RAD51B: variants seen among roughly 807,000 people sequenced by gnomAD.
RAD51B encodes RAD51 paralog B, also known as DNA repair protein RAD51 homolog 2.
In RAD51B, 38 loss-of-function variants were observed where a neutral mutation model predicts 42.2. That is an observed-to-expected ratio of 0.90 (90% CI 0.70 to 1.18). The LOEUF (loss-of-function observed/expected upper bound fraction) is 1.18, where lower values mean the gene tolerates loss of function less well. RAD51B is among the 50% of genes most tolerant of loss of function. RAD51B has a pLI of 0.00. For synonymous variants in RAD51B, 154 were observed against 145.2 expected (o/e 1.06, Z -0.43); for missense variants, 373 against 400.7 (o/e 0.93, Z 0.59).
intron 9 of RAD51B, among the ~76,000 whole-genome samples, chr14:68,427,540 A>G (rs897594390): frequency 6.6e-6 from 1 of 152,238 alleles, no homozygotes; most frequent in Non-Finnish European, 1.5e-5. Context: ...ACTTGGGATC[A>G]GTTACTCCTT....
chr14:68,371,744 G>A (rs957385704), intron 8 of RAD51B, among the ~76,000 whole-genome samples: 2 of 152,198 alleles, frequency 1.3e-5, no homozygotes. Context: ...CCAGCTACTT[G>A]GGGGGCTGAG....
At chr14:67,853,085 G>A (rs1368837614) in intron 4 of RAD51B, among the ~76,000 whole-genome samples, 1 of 152,210 alleles carries the variant, frequency 6.6e-6, no homozygotes, top group African/African-American at 2.4e-5. Flanking sequence ...CTTGAAGGTG[G>A]AGGGGCCATG....
intron 10 of RAD51B, among the ~76,000 whole-genome samples, chr14:68,575,306 T>C (rs985761153): frequency 6.6e-6 from 1 of 152,230 alleles, no homozygotes; most frequent in African/African-American, 2.4e-5. Flanking sequence ...AGCTTCTAAA[T>C]GGTAGGGCCA....
chr14:67,968,661 C>A (rs1166831265), intron 7 of RAD51B, among the ~76,000 whole-genome samples: 3 of 152,204 alleles, frequency 2.0e-5, no homozygotes, highest in Admixed American at 2.0e-4. Context: ...ACCACCTCAG[C>A]CTGGACTTTA....
intron 7 of RAD51B, among the ~76,000 whole-genome samples, chr14:67,985,021 A>C (rs1360009245): frequency 1.3e-5 from 2 of 152,210 alleles, no homozygotes; most frequent in Non-Finnish European, 2.9e-5. Flanking sequence ...CTGTTTCCGC[A>C]TTTGTAAAGT....
At chr14:68,084,832 T>C (rs1200029816) in intron 7 of RAD51B, among the ~76,000 whole-genome samples, 1 of 152,184 alleles carries the variant, frequency 6.6e-6, no homozygotes, top group Non-Finnish European at 1.5e-5. Flanking sequence ...CTGCTGTGTG[T>C]GTCTTATGGC....
chr14:68,648,790 T>C (rs1032280747), intron 10 of RAD51B, among the ~76,000 whole-genome samples: 2 of 151,854 alleles, frequency 1.3e-5, no homozygotes, highest in East Asian at 1.9e-4. Context: ...ATTTCCTCAT[T>C]ACTACAATGA....
chr14:68,648,389 C>T (rs910538711), intron 10 of RAD51B, among the ~76,000 whole-genome samples: 2 of 144,056 alleles, frequency 1.4e-5, no homozygotes, highest in East Asian at 2.2e-4. Context: ...TTTTGTATCT[C>T]ATCCTTTAAA....
rs535855004 is a variant in RAD51B at position 68,624,138 on chromosome 14, G to C, written c.1037-26643G>C. Among the ~76,000 whole-genome samples the C allele has an allele frequency of 3.2e-4, 49 of 152,256 alleles. 1 individual carries two copies. The South Asian group carries it at 9.3e-3, about 29-fold the overall frequency. Reference sequence around the variant, plus strand: ...CTCATACTCAGGATGATTAGCTCTTGGTTTCGTCTGAATGGTGGCATAATA... The same window carrying C: ...CTCATACTCAGGATGATTAGCTCTTCGTTTCGTCTGAATGGTGGCATAATA... On this transcript the variant is annotated intron_variant, in intron 10 of 11. Coordinates refer to the RAD51B transcript ENST00000488612.
At chr14:67,862,815 A>C (rs2042205464) in intron 4 of RAD51B, among the ~76,000 whole-genome samples, 2 of 152,144 alleles carry the variant, frequency 1.3e-5, no homozygotes, top group Admixed American at 1.3e-4. Flanking sequence ...GAGAGCAAAC[A>C]GATCTTTTAT....
intron 11 of RAD51B, among the ~76,000 whole-genome samples, chr14:68,677,182 A>G (rs776774582): frequency 3.3e-5 from 5 of 152,122 alleles, no homozygotes; most frequent in Admixed American, 6.5e-5. Flanking sequence ...TACCTATGCC[A>G]TTTAAAATAT....
At chr14:68,537,490 T>G (rs1887705612) in intron 10 of RAD51B, among the ~76,000 whole-genome samples, 1 of 95,472 alleles carries the variant, frequency 1.0e-5, no homozygotes, top group African/African-American at 3.7e-5. Flanking sequence ...CAGAGCAAGA[T>G]TTCGTCTCAA....
chr14:68,334,305 T>C (rs1455493141), intron 8 of RAD51B, among the ~76,000 whole-genome samples: 1 of 152,188 alleles, frequency 6.6e-6, no homozygotes, highest in Non-Finnish European at 1.5e-5. Flanking sequence ...TAATATATAC[T>C]GTATTCTTAC....
At chr14:68,633,474 C>T (rs1892278914) in intron 10 of RAD51B, among the ~76,000 whole-genome samples, 1 of 152,178 alleles carries the variant, frequency 6.6e-6, no homozygotes, top group Non-Finnish European at 1.5e-5. Flanking sequence ...GTCCGCAGCC[C>T]ACCCCTGGAG....
At chr14:68,025,235 A>G (rs1169121599) in intron 7 of RAD51B, among the ~76,000 whole-genome samples, 2 of 152,022 alleles carry the variant, frequency 1.3e-5, no homozygotes, top group Admixed American at 6.6e-5. Context: ...ATGCTGCTGG[A>G]TTCAGTTTGC....
At chr14:68,266,584 C>G (rs917435685) in intron 7 of RAD51B, among the ~76,000 whole-genome samples, 9 of 152,184 alleles carry the variant, frequency 5.9e-5, no homozygotes, top group Admixed American at 3.3e-4. Context: ...GCTTGGTATG[C>G]CAGGGTGCCA....
chr14:67,937,610 G>A (rs150073846), intron 7 of RAD51B, among the ~76,000 whole-genome samples: 1 of 152,290 alleles, frequency 6.6e-6, no homozygotes, highest in Non-Finnish European at 1.5e-5. Flanking sequence ...AATGAAGTGT[G>A]TCTTTGACAC....
intron 8 of RAD51B, among the ~76,000 whole-genome samples, chr14:68,292,815 C>G (rs2081540840): frequency 6.6e-6 from 1 of 152,208 alleles, no homozygotes; most frequent in Admixed American, 6.5e-5. Context: ...AACCACACCT[C>G]TGCTTCTTAG....
At chr14:67,952,447 G>T (rs1212265377) in intron 7 of RAD51B, among the ~76,000 whole-genome samples, 1 of 152,174 alleles carries the variant, frequency 6.6e-6, no homozygotes, top group Non-Finnish European at 1.5e-5. Context: ...CAATGTACAT[G>T]AACAGAGCCA....
Sources: gnomAD v4.1 joint callset for allele counts (sites outside exome capture counted in the v4.1 genomes callset) on GRCh38, gnomAD v4.1.1 for gene constraint, MANE v1.5 for transcripts, NCBI Gene and HGNC (gene_info 2026-07-23, HGNC 2026-07-21) for gene names.